TRIM9: variants seen among roughly 807,000 people sequenced by gnomAD.
TRIM9 encodes E3 ubiquitin-protein ligase TRIM9.
A neutral mutation model predicts 78.3 loss-of-function variants in TRIM9; 26 were observed. The observed-to-expected ratio is 0.33, with a 90% CI of 0.24 to 0.46. TRIM9 has a LOEUF of 0.46. Ranked by LOEUF, TRIM9 falls within the 20% of genes least tolerant of loss-of-function variation. The pLI, the probability that TRIM9 is intolerant of heterozygous loss-of-function variation, is 1.00. For missense variants in TRIM9, 787 were observed against 1,036.4 expected, an observed-to-expected ratio of 0.76 and a Z score of 3.30; for synonymous variants, 398 against 416.5, an observed-to-expected ratio of 0.96 and a Z score of 0.54.
At chr14:51,015,277 G>A (rs1037160335) in intron 3 of TRIM9, among the ~76,000 whole-genome samples, 1 of 151,960 alleles carries the variant, frequency 6.6e-6, no homozygotes, top group South Asian at 2.1e-4. Flanking sequence ...TGTCCTGCCT[G>A]TTCACAATTA....
At chr14:51,093,547 C>T (rs1363421013) in intron 1 of TRIM9, among the ~76,000 whole-genome samples, 2 of 152,254 alleles carry the variant, frequency 1.3e-5, no homozygotes, top group Non-Finnish European at 2.9e-5. Flanking sequence ...CAGGACCCCG[C>T]GTTCTCTCCA....
chr14:51,027,818 G>T (rs1292031325), intron 1 of TRIM9, among the ~76,000 whole-genome samples: 1 of 148,740 alleles, frequency 6.7e-6, no homozygotes, highest in Non-Finnish European at 1.5e-5. Context: ...TTTTTTCATT[G>T]TTACTTTAGA....
At chr14:51,019,216 C>T (rs935434796) in intron 3 of TRIM9, among the ~76,000 whole-genome samples, 3 of 152,196 alleles carry the variant, frequency 2.0e-5, no homozygotes, top group Non-Finnish European at 2.9e-5. Context: ...GTCCAGTGTG[C>T]TCTGCTCACT....
intron 2 of TRIM9, among the ~76,000 whole-genome samples, chr14:51,024,450 T>C (rs1430891840): frequency 1.3e-5 from 2 of 152,254 alleles, no homozygotes; most frequent in East Asian, 3.8e-4. Flanking sequence ...ATTTCTACCT[T>C]GACATGGTTA....
chr14:50,982,216 A>AGGAAGGAG, intron 10 of TRIM9, 113 bp from the exon 11 acceptor site: 1 of 1,303,846 alleles, frequency 7.7e-7, no homozygotes, highest in Non-Finnish European at 1.1e-6. Flanking sequence ...GCTGCCATGC[A>AGGAAGGAG]GGAAGGAGGC....
rs986648372 is a variant in TRIM9, at chr14:51,074,649, A to G, written c.822+19469T>C. ...CCACCCTGCCCTTTTCTTTCCTAGC[A>G]AGGAAATGACAATGAGTGTGGCCTA... On this transcript the variant is annotated intron_variant, in intron 1 of 12. Coordinates refer to ENST00000684578, the MANE Select transcript of TRIM9 (RefSeq NM_001387360.1). Among the ~76,000 whole-genome samples the G allele has an allele frequency of 1.2e-4, 18 of 152,318 alleles. No homozygotes were observed. In the South Asian group the frequency reaches 3.5e-3, roughly 30 times the overall value.
intron 1 of TRIM9, chr14:51,091,100 A>C (rs1192128519): frequency 6.6e-6 from 1 of 152,200 alleles, no homozygotes; most frequent in Non-Finnish European, 1.5e-5. Flanking sequence ...CTAAATAAAA[A>C]CTGCTACCAA....
At chr14:51,060,836 T>C (rs1012056797) in intron 1 of TRIM9, among the ~76,000 whole-genome samples, 7 of 152,262 alleles carry the variant, frequency 4.6e-5, no homozygotes, top group Middle Eastern at 3.2e-3. Context: ...GCATTTGTAT[T>C]GCTGAATAGT....
At position 51,000,680 on chromosome 14, in the gene TRIM9, G is replaced by T; in HGVS notation, c.1464+3C>A. 2 of 1,613,940 alleles carry T rather than the reference G, an allele frequency of 1.2e-6. No homozygotes were observed. The highest frequency in any genetic ancestry group is 1.3e-5 in the African/African-American group (1 of 75,030). On this transcript the variant is annotated splice_donor_region_variant and intron_variant, in intron 6 of 12. Transcript: ENST00000684578. ...ACAAGTACGTAGTGGGCTGTCTACT[G>T]ACCCGGAATTGACCACCGTTGCCAT...
At chr14:50,997,787 A>G (rs2054415567) in intron 7 of TRIM9, 2 of 1,364,948 alleles carry the variant, frequency 1.5e-6, no homozygotes, top group East Asian at 2.6e-5. Context: ...AGCTTCTTCA[A>G]CTGCAGCTTA....
At position 51,014,991 on chromosome 14, in the gene TRIM9, GAA is replaced by G. The variant is rs1300166805; in HGVS notation, c.1042-4499_1042-4498del. Among the ~76,000 whole-genome samples the G allele has an allele frequency of 9.3e-4, 141 of 152,300 alleles. 2 individuals are homozygous for G. Among genetic ancestry groups the G allele is most frequent in the Non-Finnish European group, 5.9e-5 (4 of 68,024 alleles). Reference sequence around the variant, plus strand: ...CCTAAACCAGCTCCCACAGGACAGTGAATTAATCTGCAGTCCACAGTTTCAGA... The same window carrying G: ...CCTAAACCAGCTCCCACAGGACAGTGTTAATCTGCAGTCCACAGTTTCAGA... On this transcript the variant is annotated intron_variant, in intron 3 of 12. Transcript: ENST00000684578.
In TRIM9 at chr14:51,094,950, C is replaced by A; in HGVS notation, c.-11G>T. 1 of 1,439,460 alleles carries A rather than the reference C, an allele frequency of 6.9e-7. No individual in the cohort carries two copies. The highest frequency in any genetic ancestry group is 1.7e-5 in the South Asian group (1 of 58,030). The allele number at this position is 1,439,460 out of a possible 1,614,324, so 89.2% of individuals were successfully genotyped here. On this transcript the variant is annotated 5_prime_UTR_variant, in exon 1 of 13. Transcript: ENST00000684578. ...TTCCATCTCCTCCATGGGGACCGGT[C>A]TGGGAGGAGACAGCGACGGCTGCAG...
intron 1 of TRIM9, among the ~76,000 whole-genome samples, chr14:51,042,094 G>A (rs1388294603): frequency 6.6e-6 from 1 of 152,190 alleles, no homozygotes; most frequent in Non-Finnish European, 1.5e-5. Flanking sequence ...AGACCATGAT[G>A]CAGGCCCTCT....
chr14:51,012,226 C>A (rs1198186157), intron 3 of TRIM9, among the ~76,000 whole-genome samples: 1 of 152,210 alleles, frequency 6.6e-6, no homozygotes, highest in Non-Finnish European at 1.5e-5. Context: ...TAAACAACAT[C>A]CCCATTTCCC....
intron 1 of TRIM9, among the ~76,000 whole-genome samples, chr14:51,032,217 C>A (rs2058790965): frequency 6.6e-6 from 1 of 152,244 alleles, no homozygotes; most frequent in Non-Finnish European, 1.5e-5. Flanking sequence ...TGGGGACCAA[C>A]ATGGCATTGG....
intron 3 of TRIM9, among the ~76,000 whole-genome samples, chr14:51,016,675 G>C (rs1422111538): frequency 6.6e-6 from 1 of 151,862 alleles, no homozygotes; most frequent in African/African-American, 2.4e-5. Context: ...GTATCTGCAG[G>C]GAATCGTGGA....
chr14:51,042,018 G>A (rs1422519236), intron 1 of TRIM9, among the ~76,000 whole-genome samples: 3 of 152,186 alleles, frequency 2.0e-5, no homozygotes, highest in Admixed American at 1.3e-4. Flanking sequence ...TCGGAGTGAG[G>A]TGGCATCCTC....
At chr14:51,068,610 C>T (rs995550351) in intron 1 of TRIM9, among the ~76,000 whole-genome samples, 1 of 152,156 alleles carries the variant, frequency 6.6e-6, no homozygotes, top group African/African-American at 2.4e-5. Context: ...TAAGGAACTC[C>T]TTAGGAATTT....
intron 7 of TRIM9, among the ~76,000 whole-genome samples, chr14:50,994,802 C>A (rs2053985676): frequency 6.6e-6 from 1 of 152,168 alleles, no homozygotes; most frequent in Non-Finnish European, 1.5e-5. Flanking sequence ...TTTAAAGATA[C>A]CCATGACCAA....
Sources: gnomAD v4.1 joint callset for allele counts (sites outside exome capture counted in the v4.1 genomes callset) on GRCh38, gnomAD v4.1.1 for gene constraint, MANE v1.5 for transcripts, NCBI Gene and HGNC (gene_info 2026-07-23, HGNC 2026-07-21) for gene names.